Variants in ATP6V0A4 observed in about 807,000 individuals in gnomAD.
The protein encoded by ATP6V0A4 is ATPase H+ transporting V0 subunit a4.
In ATP6V0A4, 86 loss-of-function variants were observed where a neutral mutation model predicts 107.3. The observed-to-expected ratio is 0.80, with a 90% CI of 0.67 to 0.96. The LOEUF (loss-of-function observed/expected upper bound fraction) is 0.96, where lower values mean the gene tolerates loss of function less well. Ranked by LOEUF, ATP6V0A4 falls within the 40% of genes least tolerant of loss-of-function variation. The pLI, the probability that ATP6V0A4 is intolerant of heterozygous loss-of-function variation, is 0.00. For synonymous variants in ATP6V0A4, 353 were observed against 381.4 expected (o/e 0.93, Z 0.87); for missense variants, 908 against 1,045.6 (o/e 0.87, Z 1.81).
intron 21 of ATP6V0A4, among the ~76,000 whole-genome samples, chr7:138,708,637 C>T (rs184712105): frequency 3.4e-4 from 52 of 152,330 alleles, no homozygotes; most frequent in Non-Finnish European, 5.9e-4. Flanking sequence ...AACCTAACGA[C>T]GGCTGATTGT....
intron 18 of ATP6V0A4, among the ~76,000 whole-genome samples, chr7:138,723,348 A>T (rs1190106028): frequency 2.0e-5 from 3 of 152,138 alleles, no homozygotes; most frequent in Non-Finnish European, 4.4e-5. Flanking sequence ...AGGAAAAAAA[A>T]ATCTAGGCAT....
chr7:138,759,653 C>T (rs780215492), intron 8 of ATP6V0A4, 99 bp downstream of exon 8: 1 of 1,282,908 alleles, frequency 7.8e-7, no homozygotes, highest in East Asian at 2.3e-5. Context: ...ATATTAGTCT[C>T]ATCAAACTAA....
rs543895964 is a variant in ATP6V0A4, at chr7:138,728,584, G to A, written c.2010+177C>T. 6.6e-5 allele frequency among the ~76,000 whole-genome samples: 10 copies of A among 152,122 alleles called. 1 individual carries two copies. The highest frequency in any genetic ancestry group is 3.4e-3 in the Middle Eastern group (1 of 294). On this transcript the variant is annotated intron_variant, in intron 18 of 21. Coordinates refer to ENST00000310018, the MANE Select transcript of ATP6V0A4 (RefSeq NM_020632.3). ...TAGAGCATCTCGTTGGAAATAAGAC[G>A]GCCCAGTGGAAAAGTCTAGCTCCAC...
At chr7:138,707,245 ATTATATAGAATATATAT>A in intron 21 of ATP6V0A4, among the ~76,000 whole-genome samples, 1 of 89,880 alleles carries the variant, frequency 1.1e-5, no homozygotes, top group Non-Finnish European at 2.0e-5. Flanking sequence ...TATATATTAT[ATTATATAGAATATATAT>A]TATATTATAT....
intron 19 of ATP6V0A4, among the ~76,000 whole-genome samples, chr7:138,718,188 C>T (rs1286030505): frequency 5.1e-5 from 2 of 39,234 alleles, no homozygotes; most frequent in Non-Finnish European, 4.9e-5. Context: ...AGGGAGACGT[C>T]CAGGAAGGAA....
chr7:138,755,414 C>A (rs758729894), intron 10 of ATP6V0A4, among the ~76,000 whole-genome samples: 2 of 152,174 alleles, frequency 1.3e-5, no homozygotes, highest in Non-Finnish European at 2.9e-5. Context: ...ATAAAGGGTG[C>A]CTTTTATCAG....
chr7:138,709,020 C>T (rs577560147), intron 21 of ATP6V0A4, among the ~76,000 whole-genome samples: 25 of 152,054 alleles, frequency 1.6e-4, no homozygotes, highest in African/African-American at 6.0e-4. Context: ...ACCAGCCTAG[C>T]AAACATGGGG....
chr7:138,764,072 CAGA>C (rs987727072), intron 5 of ATP6V0A4, among the ~76,000 whole-genome samples: 11 of 149,566 alleles, frequency 7.4e-5, no homozygotes, highest in African/African-American at 2.7e-4. Context: ...TAGCAAGTTG[CAGA>C]AGAATAAACA....
At position 138,745,254 on chromosome 7, in the gene ATP6V0A4, G is replaced by T. The variant is rs1363402820; in HGVS notation, c.1347C>A (p.Arg449=). Residue 449 remains arginine (R), a synonymous_variant, in exon 14 of 22, where the codon CGC becomes CGA. Transcript: ENST00000310018. ...AGATGCCCATAAGTAGGATCAGATA[G>T]CGCCCGTGGAAGAAGGTGTTCCAAA... ...NEIWNTFFHG[R]YLILLMGIFS... is the part of the protein sequence containing the mutation. 4 of 1,613,954 alleles carry T rather than the reference G, an allele frequency of 2.5e-6. No homozygotes were observed. In the African/African-American group the frequency reaches 5.3e-5, roughly 22 times the overall value.
At chr7:138,797,976 C>A (rs1563028346) in intron 1 of ATP6V0A4, 58 bp downstream of exon 1, 1 of 1,544,354 alleles carries the variant, frequency 6.5e-7, no homozygotes. Context: ...AAACACCCAG[C>A]ATAAGTTCAC....
At chr7:138,785,944 C>A (rs1038326750) in intron 2 of ATP6V0A4, among the ~76,000 whole-genome samples, 1 of 152,202 alleles carries the variant, frequency 6.6e-6, no homozygotes, top group African/African-American at 2.4e-5. Context: ...TGCCATCCAA[C>A]GCCAGTGGGG....
intron 1 of ATP6V0A4, among the ~76,000 whole-genome samples, chr7:138,787,396 G>T (rs938127427): frequency 6.6e-6 from 1 of 152,028 alleles, no homozygotes; most frequent in Middle Eastern, 3.2e-3. Flanking sequence ...CTCCTCCAAG[G>T]TCACACTCCA....
At position 138,709,621 on chromosome 7, in the gene ATP6V0A4, T is replaced by G. The variant is rs780878155; in HGVS notation, c.2429+3A>C. ...TGAGCTTCCAGGGGACAACCATCCTTACCAGTGCAGTCGCAGGGCGTGCAG... is the reference window on the plus strand; with the variant it reads ...TGAGCTTCCAGGGGACAACCATCCTGACCAGTGCAGTCGCAGGGCGTGCAG... On this transcript the variant is annotated splice_donor_region_variant and intron_variant, in intron 21 of 21. Transcript: ENST00000310018. 5 of 1,612,034 alleles carry G rather than the reference T, an allele frequency of 3.1e-6. No individual in the cohort carries two copies. The highest frequency in any genetic ancestry group is 4.2e-6 in the Non-Finnish European group (5 of 1,178,820).
intron 20 of ATP6V0A4, among the ~76,000 whole-genome samples, chr7:138,711,414 C>G (rs183531303): frequency 6.6e-6 from 1 of 152,332 alleles, no homozygotes; most frequent in Non-Finnish European, 1.5e-5. Context: ...TCATGCCCAA[C>G]AGCCTGGGAT....
chr7:138,722,191 C>T, intron 18 of ATP6V0A4, 166 bp from the exon 19 acceptor site: 1 of 663,496 alleles, frequency 1.5e-6, no homozygotes, highest in Non-Finnish European at 1.9e-6. Flanking sequence ...TATATAAGCA[C>T]AATTATCACC....
intron 11 of ATP6V0A4, among the ~76,000 whole-genome samples, chr7:138,751,212 G>C (rs992958163): frequency 6.6e-6 from 1 of 152,114 alleles, no homozygotes; most frequent in Non-Finnish European, 1.5e-5. Context: ...ACATCCTTCT[G>C]CAAGAACCAA....
At position 138,798,080 on chromosome 7, in the gene ATP6V0A4, C is replaced by G; in HGVS notation, c.-167G>C. ...ACTCCGCAGGACCGGCTCACCTGCACCGGGCACTCAGCACAGCCTCCAGCA... is the reference window on the plus strand; with the variant it reads ...ACTCCGCAGGACCGGCTCACCTGCAGCGGGCACTCAGCACAGCCTCCAGCA... On this transcript the variant is annotated 5_prime_UTR_variant, in exon 1 of 22. Coordinates refer to ENST00000310018, the MANE Select transcript of ATP6V0A4 (RefSeq NM_020632.3). 1 of 1,583,484 alleles carries G rather than the reference C, an allele frequency of 6.3e-7. No individual in the cohort carries two copies. Among genetic ancestry groups the G allele is most frequent in the Non-Finnish European group, 8.6e-7 (1 of 1,165,426 alleles).
chr7:138,756,538 T>C lies in ATP6V0A4; in HGVS notation c.642A>G (p.Lys214=). ...MDAPLEDPVT[K]EEIQKNIFII... Reference sequence around the variant, plus strand: ...TGAATATGTTCTTCTGAATTTCTTCTTTCTGGAAAATCAGAATAAGTTAAA... The same window carrying C: ...TGAATATGTTCTTCTGAATTTCTTCCTTCTGGAAAATCAGAATAAGTTAAA... Residue 214 remains lysine (K), a splice_region_variant and synonymous_variant, in exon 9 of 22, where the codon AAA becomes AAG. Coordinates refer to ENST00000310018, the MANE Select transcript of ATP6V0A4 (RefSeq NM_020632.3). The C allele has an allele frequency of 1.2e-6, 2 of 1,609,830 alleles. No individual in the cohort carries two copies. The highest frequency in any genetic ancestry group is 1.3e-5 in the African/African-American group (1 of 74,484).
At chr7:138,742,547 CG>C (rs1268701552) in intron 14 of ATP6V0A4, among the ~76,000 whole-genome samples, 14 of 152,058 alleles carry the variant, frequency 9.2e-5, no homozygotes, top group Admixed American at 7.9e-4. Flanking sequence ...TTGTTTGAGA[CG>C]GGGTCTTGCT....
Sources: gnomAD v4.1 joint callset for allele counts (sites outside exome capture counted in the v4.1 genomes callset) on GRCh38, gnomAD v4.1.1 for gene constraint, MANE v1.5 for transcripts, NCBI Gene and HGNC (gene_info 2026-07-23, HGNC 2026-07-21) for gene names.